The following STX8 variants were observed in gnomAD, a reference collection of about 807,000 sequenced individuals.
The protein encoded by STX8 is syntaxin-8.
STX8 carries 23 observed loss-of-function variants against 37.5 expected under a neutral mutation model. The ratio of observed to expected loss-of-function variants is 0.61; its 90% CI spans 0.44 to 0.87. The LOEUF is 0.87. STX8 is among the 40% of genes least tolerant of loss of function. STX8 has a pLI of 0.00. For missense variants in STX8, 313 were observed against 284.7 expected (o/e 1.10, Z -0.71); for synonymous variants, 115 against 99.1 (o/e 1.16, Z -0.95).
At chr17:9,560,857 T>C (rs771829602) in intron 2 of STX8, among the ~76,000 whole-genome samples, 21 of 151,922 alleles carry the variant, frequency 1.4e-4, no homozygotes, top group South Asian at 6.2e-4. Context: ...TAATCAGATA[T>C]AAAGTGATTA....
chr17:9,349,316 CTTTTTTTTT>C (rs61627405), intron 7 of STX8, among the ~76,000 whole-genome samples: 4 of 109,798 alleles, frequency 3.6e-5, no homozygotes, highest in Admixed American at 1.9e-4. Context: ...ATTTTCTTTT[CTTTTTTTTT>C]TTTTTTTTTT....
rs560742233 is a variant in STX8 at position 9,327,634 on chromosome 17, G to C, written c.643+50918C>G. On this transcript the variant is annotated intron_variant, in intron 7 of 7. Coordinates refer to ENST00000306357, the MANE Select transcript of STX8 (RefSeq NM_004853.3). ...ACAGGGCAGGACCTCTCTGGAAACA[G>C]GGGTCTTATGTCCTACTTTTAGACA... Among the ~76,000 whole-genome samples, 19 of 152,240 alleles carry C rather than the reference G, an allele frequency of 1.2e-4. 2 individuals carry two copies. In the South Asian group the frequency reaches 3.9e-3, roughly 32 times the overall value.
At chr17:9,322,348 TC>T (rs980865436) in intron 7 of STX8, among the ~76,000 whole-genome samples, 1 of 150,936 alleles carries the variant, frequency 6.6e-6, no homozygotes, top group African/African-American at 2.5e-5. Context: ...TCTGATATTT[TC>T]CTTTTGAAAG....
chr17:9,276,848 G>A (rs1907695215), intron 7 of STX8, among the ~76,000 whole-genome samples: 1 of 151,950 alleles, frequency 6.6e-6, no homozygotes, highest in Admixed American at 6.5e-5. Flanking sequence ...ATGTTGGGCA[G>A]GCTGGTCTCG....
rs185593333 is a variant in STX8 at position 9,390,629 on chromosome 17, C to T, written c.542-11976G>A. 5.7e-3 allele frequency among the ~76,000 whole-genome samples: 854 copies of T among 150,016 alleles called. 8 individuals are homozygous for T. The highest frequency in any genetic ancestry group is 0.019 in the African/African-American group (764 of 40,580). On this transcript the variant is annotated intron_variant, in intron 6 of 7. Coordinates refer to ENST00000306357, the MANE Select transcript of STX8 (RefSeq NM_004853.3). ...GATCACGAGGTCAGGAGTTTGAGACCAGCCTGGCCAACGTAGTGAAACCCT... is the reference window on the plus strand; with the variant it reads ...GATCACGAGGTCAGGAGTTTGAGACTAGCCTGGCCAACGTAGTGAAACCCT...
intron 6 of STX8, among the ~76,000 whole-genome samples, chr17:9,477,878 C>T (rs1250110630): frequency 1.3e-5 from 2 of 152,122 alleles, no homozygotes; most frequent in Admixed American, 1.3e-4. Flanking sequence ...GGAAATTTTC[C>T]CATAAAGCTG....
chr17:9,267,922 C>T (rs1031711762), intron 7 of STX8, among the ~76,000 whole-genome samples: 7 of 146,672 alleles, frequency 4.8e-5, no homozygotes, highest in Admixed American at 1.4e-4. Flanking sequence ...ACCCGGGAGG[C>T]GGAGGTTGCA....
intron 7 of STX8, among the ~76,000 whole-genome samples, chr17:9,323,165 C>T (rs1047337314): frequency 1.3e-5 from 2 of 152,114 alleles, no homozygotes; most frequent in Non-Finnish European, 1.5e-5. Context: ...GATGCCAATG[C>T]TTTCATGAAT....
At chr17:9,372,767 C>G (rs528074466) in intron 7 of STX8, among the ~76,000 whole-genome samples, 1 of 146,870 alleles carries the variant, frequency 6.8e-6, no homozygotes, top group Non-Finnish European at 1.5e-5. Flanking sequence ...TGAGCCACCA[C>G]GCCCAGCCCT....
At chr17:9,471,896 A>G (rs1464723486) in intron 6 of STX8, among the ~76,000 whole-genome samples, 2 of 152,298 alleles carry the variant, frequency 1.3e-5, no homozygotes, top group South Asian at 4.2e-4. Flanking sequence ...AATCATGAGG[A>G]TAACTACAGT....
intron 4 of STX8, among the ~76,000 whole-genome samples, chr17:9,527,552 A>C (rs984577940): frequency 2.6e-5 from 4 of 152,206 alleles, no homozygotes; most frequent in African/African-American, 9.7e-5. Context: ...CTTCTTTTTC[A>C]ATTCTCAAAT....
At position 9,400,553 on chromosome 17, in the gene STX8, C is replaced by T. The variant is rs147111137; in HGVS notation, c.542-21900G>A. Among the ~76,000 whole-genome samples the T allele has an allele frequency of 4.2e-3, 640 of 152,100 alleles. 14 individuals carry two copies. Among genetic ancestry groups the T allele is most frequent in the East Asian group, 0.034 (173 of 5,152 alleles). ...CCGAGTAGCTGGTATTACAGGCACA[C>T]ACCACCACGCCTGGCTAATTTTTGT... On this transcript the variant is annotated intron_variant, in intron 6 of 7. Coordinates refer to ENST00000306357, the MANE Select transcript of STX8 (RefSeq NM_004853.3).
chr17:9,482,299 T>C (rs1158145478), intron 6 of STX8, among the ~76,000 whole-genome samples: 1 of 152,222 alleles, frequency 6.6e-6, no homozygotes, highest in East Asian at 1.9e-4. Context: ...TTCTGGCTTA[T>C]ACAAGTTAAA....
At chr17:9,370,962 C>T (rs1365981014) in intron 7 of STX8, among the ~76,000 whole-genome samples, 1 of 150,782 alleles carries the variant, frequency 6.6e-6, no homozygotes, top group African/African-American at 2.4e-5. Flanking sequence ...TTGATGCTAT[C>T]ATTGGGGTGG....
intron 4 of STX8, among the ~76,000 whole-genome samples, chr17:9,519,045 G>A (rs977202012): frequency 2.0e-5 from 3 of 151,908 alleles, no homozygotes; most frequent in African/African-American, 7.3e-5. Context: ...GGAGGGTTTG[G>A]GGGGAGTAGC....
In STX8 at chr17:9,545,244, T is replaced by A. The variant is rs201798916; in HGVS notation, c.251A>T (p.Asp84Val). The A allele has an allele frequency of 3.2e-5, 51 of 1,614,202 alleles. No individual in the cohort carries two copies. The East Asian group carries it at 1.1e-3, about 34-fold the overall frequency. ...TAGTCTCTCTCGAGTTACAAGATCA[T>A]CCAAGAGGTTCTGTCTTCGGTCCCC... ...LEGDRRQNLL[D>V]DLVTRERLLL... Residue 84 changes from aspartate (D) to valine (V), a missense_variant, in exon 4 of 8, where the codon GAT (aspartate) becomes GTT (valine). Transcript: ENST00000306357.
In STX8 at chr17:9,495,420, C is replaced by A. The variant is rs547390987; in HGVS notation, c.449-3499G>T. Among the ~76,000 whole-genome samples the A allele has an allele frequency of 1.0e-3, 154 of 151,948 alleles. 1 individual carries two copies. Among genetic ancestry groups the A allele is most frequent in the African/African-American group, 3.5e-3 (147 of 41,436 alleles). ...TATAGGACTGAGGGTTGAGTGTCAACGTGGATTAAAAGATAAAACCATTTA... is the reference window on the plus strand; with the variant it reads ...TATAGGACTGAGGGTTGAGTGTCAAAGTGGATTAAAAGATAAAACCATTTA... On this transcript the variant is annotated intron_variant, in intron 5 of 7. Coordinates refer to ENST00000306357, the MANE Select transcript of STX8 (RefSeq NM_004853.3).
intron 7 of STX8, among the ~76,000 whole-genome samples, chr17:9,294,926 C>T (rs548175747): frequency 1.3e-5 from 2 of 152,286 alleles, no homozygotes; most frequent in Non-Finnish European, 2.9e-5. Context: ...GGAAAGGCCA[C>T]GTGAGCACAG....
At chr17:9,253,033 C>T (rs1307516576) in intron 7 of STX8, among the ~76,000 whole-genome samples, 1 of 152,260 alleles carries the variant, frequency 6.6e-6, no homozygotes, top group East Asian at 1.9e-4. Flanking sequence ...GACCCACCTG[C>T]AGCATCAGTT....
Sources: gnomAD v4.1 joint callset for allele counts (sites outside exome capture counted in the v4.1 genomes callset) on GRCh38, gnomAD v4.1.1 for gene constraint, MANE v1.5 for transcripts, NCBI Gene and HGNC (gene_info 2026-07-23, HGNC 2026-07-21) for gene names.